Variants in CTNNA2 observed in about 807,000 individuals in gnomAD.
CTNNA2 encodes catenin alpha 2.
Under a neutral mutation model 101.0 loss-of-function variants are expected in CTNNA2, and 42 were observed. The ratio of observed to expected loss-of-function variants is 0.42; its 90% CI spans 0.32 to 0.54. The LOEUF (loss-of-function observed/expected upper bound fraction) is 0.54, where lower values mean the gene tolerates loss of function less well. Ranked by LOEUF, CTNNA2 falls within the 20% of genes least tolerant of loss-of-function variation. The probability of loss-of-function intolerance (pLI) is 0.14; values close to 1 mark genes in which losing one functional copy is unlikely to be tolerated. For synonymous variants in CTNNA2, 450 were observed against 456.4 expected (o/e 0.99, Z 0.18); for missense variants, 871 against 1,223.1 (o/e 0.71, Z 4.29).
intron 3 of CTNNA2, among the ~76,000 whole-genome samples, chr2:79,814,955 G>T (rs1308316922): frequency 1.3e-5 from 2 of 152,036 alleles, no homozygotes; most frequent in Non-Finnish European, 2.9e-5. Context: ...TTGATTTTTT[G>T]ATTATGGCCA....
At chr2:79,705,224 C>T (rs1685276163) in intron 2 of CTNNA2, among the ~76,000 whole-genome samples, 1 of 152,130 alleles carries the variant, frequency 6.6e-6, no homozygotes. Context: ...AGTAGTTACC[C>T]CCTTATCCCT....
intron 3 of CTNNA2, among the ~76,000 whole-genome samples, chr2:79,852,486 T>C (rs1015280954): frequency 1.3e-5 from 2 of 152,260 alleles, no homozygotes; most frequent in African/African-American, 4.8e-5. Context: ...TCATTTTCAT[T>C]CTCACACTAG....
intron 7 of CTNNA2, among the ~76,000 whole-genome samples, chr2:79,962,258 A>G (rs1689691422): frequency 6.6e-6 from 1 of 152,238 alleles, no homozygotes; most frequent in South Asian, 2.1e-4. Context: ...GAGTCTGGCG[A>G]TGGCCTGTTC....
intron 2 of CTNNA2, among the ~76,000 whole-genome samples, chr2:79,716,264 ATTAT>A (rs757602732): frequency 6.6e-6 from 1 of 152,122 alleles, no homozygotes; most frequent in Non-Finnish European, 1.5e-5. Context: ...TCATTGATTT[ATTAT>A]TTATTTATTT....
At chr2:79,751,288 C>T (rs1470603724) in intron 3 of CTNNA2, among the ~76,000 whole-genome samples, 1 of 151,976 alleles carries the variant, frequency 6.6e-6, no homozygotes, top group Non-Finnish European at 1.5e-5. Flanking sequence ...GTTTCATATT[C>T]AGGTACAGTT....
rs74921008 is a variant in CTNNA2, at chr2:79,505,013, A to G, written c.-134-41A>G. On this transcript the variant is annotated intron_variant, in intron 4 of 21. Coordinates refer to the CTNNA2 transcript ENST00000466387. ...AGACAGGAAGGCAGGAAGAGAGGAG[A>G]TGCTATTGTAGTGTGACATCTTTCT... The G allele has an allele frequency of 5.3e-4, 80 of 152,304 alleles. 2 individuals are homozygous for G. The highest frequency in any genetic ancestry group is 1.9e-3 in the African/African-American group (77 of 41,548). 9.4% of individuals were successfully genotyped at this position (152,304 alleles called of 1,614,324 possible).
At chr2:80,596,018 TTG>T (rs1207372764) in intron 15 of CTNNA2, among the ~76,000 whole-genome samples, 12 of 152,174 alleles carry the variant, frequency 7.9e-5, no homozygotes. Context: ...TTCCATTTGT[TTG>T]TGTCCTCTCT....
rs374832764 is a variant in CTNNA2, at chr2:80,608,858, G to A, written c.2430+540G>A. Reference sequence around the variant, plus strand: ...GTTGCCAAAAACTAACATAATTGTCGAACACTAACAATTATATATTCTTTG... The same window carrying A: ...GTTGCCAAAAACTAACATAATTGTCAAACACTAACAATTATATATTCTTTG... On this transcript the variant is annotated intron_variant, in intron 17 of 18. Coordinates refer to ENST00000402739, the MANE Select transcript of CTNNA2 (RefSeq NM_001282597.3). 2.0e-5 allele frequency among the ~76,000 whole-genome samples: 3 copies of A among 151,772 alleles called. No homozygotes were observed. In the East Asian group the frequency reaches 5.8e-4, roughly 30 times the overall value.
At position 79,341,542 on chromosome 2, in the gene CTNNA2, C is replaced by T. The variant is rs573259634; in HGVS notation, c.-318+28746C>T. 1.9e-3 allele frequency among the ~76,000 whole-genome samples: 288 copies of T among 152,290 alleles called. 10 individuals are homozygous for T. The South Asian group carries it at 0.057, about 30-fold the overall frequency. On this transcript the variant is annotated intron_variant, in intron 3 of 21. Coordinates refer to the CTNNA2 transcript ENST00000466387. Reference sequence around the variant, plus strand: ...TTTCCACGAATCTGTTATATTTCCACACATCTTTGGAGCAACGATCTTTGT... The same window carrying T: ...TTTCCACGAATCTGTTATATTTCCATACATCTTTGGAGCAACGATCTTTGT...
intron 2 of CTNNA2, among the ~76,000 whole-genome samples, chr2:79,689,273 C>A (rs1166702023): frequency 6.6e-6 from 1 of 151,830 alleles, no homozygotes. Flanking sequence ...TGTCACAGAT[C>A]CTGAGCATAC....
chr2:80,540,460 A>G (rs1405785949), intron 9 of CTNNA2, among the ~76,000 whole-genome samples: 1 of 151,838 alleles, frequency 6.6e-6, no homozygotes, highest in Non-Finnish European at 1.5e-5. Context: ...AGCCAGGCGT[A>G]GTGTTGGGTG....
At chr2:80,449,567 A>ACT (rs763628721) in intron 9 of CTNNA2, among the ~76,000 whole-genome samples, 7 of 152,210 alleles carry the variant, frequency 4.6e-5, no homozygotes, top group Non-Finnish European at 8.8e-5. Flanking sequence ...GCCTCTGACT[A>ACT]CATGTTCTGT....
chr2:80,613,417 T>C (rs1698616795), intron 17 of CTNNA2, among the ~76,000 whole-genome samples: 1 of 151,408 alleles, frequency 6.6e-6, no homozygotes, highest in Admixed American at 6.6e-5. Context: ...GGGAAGTTAA[T>C]AGGAATTTTA....
chr2:80,255,445 G>C (rs1482194853), intron 7 of CTNNA2, among the ~76,000 whole-genome samples: 3 of 151,994 alleles, frequency 2.0e-5, no homozygotes, highest in Non-Finnish European at 4.4e-5. Flanking sequence ...TGATCTAAAT[G>C]AGCTGTAATT....
chr2:79,527,474 C>CAAAAAAAAAAAAAAAAAAAA (rs58822666), intron 1 of CTNNA2, among the ~76,000 whole-genome samples: 1 of 85,232 alleles, frequency 1.2e-5, no homozygotes, highest in African/African-American at 3.8e-5. Context: ...ACTAAAAATA[C>CAAAAAAAAAAAAAAAAAAAA]AAAAAAAAAA....
In CTNNA2 at chr2:79,423,236, G is replaced by A. The variant is rs956873969; in HGVS notation, c.-135+49223G>A. Among the ~76,000 whole-genome samples, 5 of 152,112 alleles carry A rather than the reference G, an allele frequency of 3.3e-5. No homozygotes were observed. The East Asian group carries it at 5.8e-4, about 18-fold the overall frequency. On this transcript the variant is annotated intron_variant, in intron 4 of 21. Transcript: ENST00000466387. The stretch of plus-strand genomic sequence containing the variant: ...ATAAAAGTCACATGTAGGTACTCTG[G>A]TCAATAGCACCAGATGAGTCCAACC...
chr2:79,701,978 G>A (rs1222169587), intron 2 of CTNNA2, among the ~76,000 whole-genome samples: 3 of 145,960 alleles, frequency 2.1e-5, no homozygotes, highest in African/African-American at 5.1e-5. Flanking sequence ...CTCCAGCCTG[G>A]GAGAGCGAGA....
In CTNNA2 at chr2:80,419,615, G is replaced by A; in HGVS notation, c.1290+14G>A. On this transcript the variant is annotated intron_variant, in intron 9 of 18. Coordinates refer to ENST00000402739, the MANE Select transcript of CTNNA2 (RefSeq NM_001282597.3). Reference sequence around the variant, plus strand: ...AAACTGGTAGAGGTAAGTGTGGAGGGGCCTGAAGACTAGAGTTTACCGATG... The same window carrying A: ...AAACTGGTAGAGGTAAGTGTGGAGGAGCCTGAAGACTAGAGTTTACCGATG... 6.2e-7 allele frequency: 1 copy of A among 1,612,694 alleles called. No individual in the cohort carries two copies.
chr2:79,365,335 G>T (rs1489550068), intron 3 of CTNNA2, among the ~76,000 whole-genome samples: 1 of 152,046 alleles, frequency 6.6e-6, no homozygotes, highest in Non-Finnish European at 1.5e-5. Context: ...AAAGTGACAA[G>T]ATAATAGCCA....
Sources: allele counts gnomAD v4.1 joint callset (sites outside exome capture counted in the v4.1 genomes callset), GRCh38; gene constraint gnomAD v4.1.1; transcripts MANE v1.5; gene names NCBI Gene and HGNC (gene_info 2026-07-23, HGNC 2026-07-21).